The following NOL4 variants were observed in gnomAD, a reference collection of about 807,000 sequenced individuals.
The protein encoded by NOL4 is nucleolar protein 4, also known as cancer/testis antigen 125.
A neutral mutation model predicts 75.9 loss-of-function variants in NOL4; 17 were observed. The observed-to-expected ratio is 0.22, with a 90% CI of 0.15 to 0.34. NOL4 has a LOEUF of 0.34. Among genes scored for constraint, NOL4 ranks in the 10% least tolerant of loss-of-function variants. The probability of loss-of-function intolerance (pLI) is 1.00; values close to 1 mark genes in which losing one functional copy is unlikely to be tolerated. For synonymous variants in NOL4, 292 were observed against 289.9 expected (o/e 1.01, Z -0.07); for missense variants, 614 against 793.5 (o/e 0.77, Z 2.72).
At chr18:34,066,577 T>C (rs768503695) in intron 5 of NOL4, among the ~76,000 whole-genome samples, 1 of 152,128 alleles carries the variant, frequency 6.6e-6, no homozygotes, top group Admixed American at 6.5e-5. Context: ...TAGTGGCTAG[T>C]AGAAAGCTTG....
chr18:33,894,360 T>C (rs185297199), intron 9 of NOL4, among the ~76,000 whole-genome samples: 258 of 152,206 alleles, frequency 1.7e-3, no homozygotes, highest in African/African-American at 6.1e-3. Flanking sequence ...CCCTCACATA[T>C]ACAACAACAC....
At chr18:34,018,452 T>G (rs1167276285) in intron 6 of NOL4, among the ~76,000 whole-genome samples, 1 of 152,114 alleles carries the variant, frequency 6.6e-6, no homozygotes, top group Non-Finnish European at 1.5e-5. Flanking sequence ...CTTAGCAAAT[T>G]CAGAAATTAA....
chr18:34,192,582 AT>A (rs2035000205), intron 1 of NOL4, among the ~76,000 whole-genome samples: 1 of 152,244 alleles, frequency 6.6e-6, no homozygotes, highest in Non-Finnish European at 1.5e-5. Context: ...TTGATTTTTA[AT>A]AAAGGTGCCA....
intron 1 of NOL4, among the ~76,000 whole-genome samples, chr18:34,135,910 T>C (rs2080872279): frequency 6.6e-6 from 1 of 151,970 alleles, no homozygotes; most frequent in Admixed American, 6.6e-5. Flanking sequence ...AACAATATAT[T>C]TTATGAATAT....
intron 1 of NOL4, among the ~76,000 whole-genome samples, chr18:34,206,133 T>G (rs2036105698): frequency 6.6e-6 from 1 of 152,164 alleles, no homozygotes; most frequent in Admixed American, 6.6e-5. Flanking sequence ...AATCTTTAAG[T>G]ACTTAGGGAA....
intron 2 of NOL4, among the ~76,000 whole-genome samples, chr18:34,126,568 A>G (rs1382680486): frequency 6.6e-6 from 1 of 152,142 alleles, no homozygotes; most frequent in East Asian, 1.9e-4. Context: ...GTAGCAAGAA[A>G]GAGCTTTGAA....
At chr18:33,974,738 T>G (rs755871710) in intron 6 of NOL4, among the ~76,000 whole-genome samples, 21 of 151,906 alleles carry the variant, frequency 1.4e-4, no homozygotes, top group Non-Finnish European at 2.9e-5. Context: ...TGACACAGTT[T>G]CCTCTAAACT....
At chr18:34,133,898 C>A (rs1348531915) in intron 1 of NOL4, among the ~76,000 whole-genome samples, 1 of 152,072 alleles carries the variant, frequency 6.6e-6, no homozygotes, top group Non-Finnish European at 1.5e-5. Flanking sequence ...TGGCATGCAC[C>A]TGTAGTCCCA....
intron 2 of NOL4, among the ~76,000 whole-genome samples, chr18:34,125,069 A>G (rs2080323011): frequency 6.6e-6 from 1 of 152,162 alleles, no homozygotes; most frequent in Non-Finnish European, 1.5e-5. Flanking sequence ...ATAAGGTATC[A>G]ATGACTGCTG....
At chr18:34,034,287 T>C (rs2075780695) in intron 5 of NOL4, among the ~76,000 whole-genome samples, 1 of 121,638 alleles carries the variant, frequency 8.2e-6, no homozygotes, top group Admixed American at 7.8e-5. Context: ...CAAGCTTGAA[T>C]GTAAATGAAT....
intron 6 of NOL4, among the ~76,000 whole-genome samples, chr18:33,967,254 T>G (rs2070678584): frequency 6.6e-6 from 1 of 152,162 alleles, no homozygotes; most frequent in Non-Finnish European, 1.5e-5. Flanking sequence ...TAAATGGTGC[T>G]GGGATAACTG....
chr18:33,889,736 C>A (rs2064987021), intron 9 of NOL4, among the ~76,000 whole-genome samples: 1 of 152,098 alleles, frequency 6.6e-6, no homozygotes, highest in African/African-American at 2.4e-5. Flanking sequence ...GTTCAACATA[C>A]ACAAATCAAT....
intron 6 of NOL4, 114 bp downstream of exon 6, chr18:34,019,204 G>A: frequency 1.2e-6 from 1 of 854,300 alleles, no homozygotes; most frequent in Non-Finnish European, 1.8e-6. Flanking sequence ...TCCTCTTATT[G>A]GATTTGTTTA....
chr18:34,131,479 T>C (rs774794476), intron 1 of NOL4, among the ~76,000 whole-genome samples: 1 of 152,022 alleles, frequency 6.6e-6, no homozygotes, highest in Non-Finnish European at 1.5e-5. Context: ...CCACCTTTCC[T>C]AGGCTGAAAA....
chr18:33,971,109 A>G (rs575354030), intron 6 of NOL4, among the ~76,000 whole-genome samples: 1 of 152,206 alleles, frequency 6.6e-6, no homozygotes, highest in Non-Finnish European at 1.5e-5. Flanking sequence ...ACGTGAAAGA[A>G]TGTTTTTCAT....
intron 5 of NOL4, among the ~76,000 whole-genome samples, chr18:34,050,556 A>T (rs1224047965): frequency 6.6e-6 from 1 of 152,130 alleles, no homozygotes; most frequent in Non-Finnish European, 1.5e-5. Context: ...TTAAGTAGTT[A>T]TGGTGAGTGT....
At chr18:34,131,016 T>C (rs1481136056) in intron 1 of NOL4, among the ~76,000 whole-genome samples, 1 of 151,524 alleles carries the variant, frequency 6.6e-6, no homozygotes, top group African/African-American at 2.4e-5. Flanking sequence ...GACTGCAACA[T>C]GAAAGGGCTT....
At chr18:34,052,876 T>C (rs2076682092) in intron 5 of NOL4, among the ~76,000 whole-genome samples, 1 of 151,938 alleles carries the variant, frequency 6.6e-6, no homozygotes, top group African/African-American at 2.4e-5. Flanking sequence ...AGTCCAATGT[T>C]CCCAATGAGA....
intron 1 of NOL4, among the ~76,000 whole-genome samples, chr18:34,216,436 AG>A (rs987567538): frequency 7.9e-5 from 12 of 152,058 alleles, no homozygotes; most frequent in African/African-American, 2.9e-4. Flanking sequence ...GACCTACTTT[AG>A]GAAAAAAATG....
Sources: gnomAD v4.1 joint callset for allele counts (sites outside exome capture counted in the v4.1 genomes callset) on GRCh38, gnomAD v4.1.1 for gene constraint, MANE v1.5 for transcripts, NCBI Gene and HGNC (gene_info 2026-07-23, HGNC 2026-07-21) for gene names.